Variants in UBE2D2 observed in about 807,000 individuals in gnomAD.
UBE2D2 encodes ubiquitin conjugating enzyme E2 D2, also known as ubiquitin-conjugating enzyme E2 D2.
Under a neutral mutation model 24.2 loss-of-function variants are expected in UBE2D2, and 2 were observed. That is an observed-to-expected ratio of 0.08 (90% CI 0.03 to 0.26). The LOEUF (loss-of-function observed/expected upper bound fraction) is 0.26, where lower values mean the gene tolerates loss of function less well. Ranked by LOEUF, UBE2D2 falls within the 10% of genes least tolerant of loss-of-function variation. UBE2D2 has a pLI of 1.00. For missense variants in UBE2D2, 44 were observed against 177.6 expected, an observed-to-expected ratio of 0.25 and a Z score of 4.28; for synonymous variants, 58 against 56.5, an observed-to-expected ratio of 1.03 and a Z score of -0.12.
At chr5:139,533,107 C>CA (rs113333733) in intron 1 of UBE2D2, among the ~76,000 whole-genome samples, 1,507 of 122,298 alleles carry the variant, frequency 0.012, 17 homozygotes, top group African/African-American at 0.034. Context: ...GACTCCATCT[C>CA]AAAAAAAAAA....
intron 1 of UBE2D2, among the ~76,000 whole-genome samples, chr5:139,593,156 C>T (rs965535456): frequency 6.6e-6 from 1 of 151,776 alleles, no homozygotes; most frequent in East Asian, 1.9e-4. Context: ...CCACCACGCC[C>T]AGCTAACTTT....
At chr5:139,610,008 T>A (rs955797503) in intron 2 of UBE2D2, among the ~76,000 whole-genome samples, 1 of 151,970 alleles carries the variant, frequency 6.6e-6, no homozygotes, top group Non-Finnish European at 1.5e-5. Context: ...CCTGGCCTCA[T>A]GATTCATCTG....
At chr5:139,526,687 A>G (rs887948505) in intron 1 of UBE2D2, 1 of 152,190 alleles carries the variant, frequency 6.6e-6, no homozygotes, top group Non-Finnish European at 1.5e-5. Flanking sequence ...GTGTGCCTGC[A>G]TTGGCACTTT....
At chr5:139,546,814 CT>C (rs1752834626) in intron 1 of UBE2D2, among the ~76,000 whole-genome samples, 2 of 111,040 alleles carry the variant, frequency 1.8e-5, no homozygotes, top group African/African-American at 3.4e-5. Flanking sequence ...TTTCTTCTTT[CT>C]TTCTTCCTTC....
At chr5:139,579,178 G>A (rs922402354) in intron 1 of UBE2D2, among the ~76,000 whole-genome samples, 18 of 151,288 alleles carry the variant, frequency 1.2e-4, no homozygotes, top group Admixed American at 3.3e-4. Flanking sequence ...ATGGAGTTAC[G>A]CTTTTGTTGC....
At chr5:139,552,491 G>GTTTCTTT (rs1267905325) in intron 1 of UBE2D2, among the ~76,000 whole-genome samples, 3 of 146,466 alleles carry the variant, frequency 2.0e-5, no homozygotes, top group East Asian at 4.0e-4. Context: ...TTCTTTTTTT[G>GTTTCTTT]TTTCTTTTTT....
chr5:139,611,900 C>A (rs1754327061), intron 2 of UBE2D2: 1 of 152,108 alleles, frequency 6.6e-6, no homozygotes, highest in Non-Finnish European at 1.5e-5. Context: ...TACCTTTTGA[C>A]CCCGTGGGGG....
At chr5:139,581,977 GT>G (rs376972603) in intron 1 of UBE2D2, among the ~76,000 whole-genome samples, 3 of 150,104 alleles carry the variant, frequency 2.0e-5, no homozygotes, top group African/African-American at 7.3e-5. Context: ...TTTTTTTGGG[GT>G]TTTTTTTTGT....
intron 1 of UBE2D2, among the ~76,000 whole-genome samples, chr5:139,528,843 C>T (rs1439820165): frequency 2.0e-5 from 3 of 152,098 alleles, no homozygotes; most frequent in African/African-American, 4.8e-5. Flanking sequence ...ACTGAGACCA[C>T]GCTTAAACAT....
intron 2 of UBE2D2, among the ~76,000 whole-genome samples, chr5:139,600,919 C>T (rs1754059047): frequency 6.6e-6 from 1 of 152,160 alleles, no homozygotes; most frequent in African/African-American, 2.4e-5. Flanking sequence ...TCTCGTGCCT[C>T]AGCCTCTCGA....
At chr5:139,587,013 A>G (rs1258011225) in intron 1 of UBE2D2, among the ~76,000 whole-genome samples, 1 of 152,040 alleles carries the variant, frequency 6.6e-6, no homozygotes, top group African/African-American at 2.4e-5. Context: ...AGCTCTCAAG[A>G]TGGTGGTGGG....
At chr5:139,547,364 A>T (rs2126636068) in intron 1 of UBE2D2, among the ~76,000 whole-genome samples, 1 of 152,262 alleles carries the variant, frequency 6.6e-6, no homozygotes, top group African/African-American at 2.4e-5. Context: ...GGTAATTTGT[A>T]AAGACAAGAA....
intron 1 of UBE2D2, among the ~76,000 whole-genome samples, chr5:139,578,105 C>T (rs1285332369): frequency 6.6e-6 from 1 of 152,126 alleles, no homozygotes; most frequent in African/African-American, 2.4e-5. Flanking sequence ...CTATGTGCCA[C>T]CCTTGTTGTG....
At chr5:139,605,614 A>G (rs1407597530) in intron 2 of UBE2D2, among the ~76,000 whole-genome samples, 1 of 141,018 alleles carries the variant, frequency 7.1e-6, no homozygotes, top group Non-Finnish European at 1.5e-5. Context: ...AAAAAAAAAA[A>G]GAAAAGAAAG....
At chr5:139,604,080 G>A (rs1754141117) in intron 2 of UBE2D2, among the ~76,000 whole-genome samples, 1 of 151,298 alleles carries the variant, frequency 6.6e-6, no homozygotes, top group African/African-American at 2.4e-5. Context: ...ATATAGAATG[G>A]AAGAAATTGT....
chr5:139,603,888 G>A (rs903778305), intron 2 of UBE2D2, among the ~76,000 whole-genome samples: 1 of 151,966 alleles, frequency 6.6e-6, no homozygotes, highest in Non-Finnish European at 1.5e-5. Flanking sequence ...GGCAGAGGCT[G>A]CAGTGAGCCG....
intron 1 of UBE2D2, among the ~76,000 whole-genome samples, chr5:139,564,492 C>T (rs1437003020): frequency 6.6e-6 from 1 of 151,606 alleles, no homozygotes; most frequent in Non-Finnish European, 1.5e-5. Flanking sequence ...CTCCCTCTGT[C>T]GCCCAGGCTG....
chr5:139,578,822 A>G (rs1025212246), intron 1 of UBE2D2, among the ~76,000 whole-genome samples: 2 of 152,122 alleles, frequency 1.3e-5, no homozygotes, highest in African/African-American at 4.8e-5. Context: ...CTTTCCATGT[A>G]CCTTATTTCG....
chr5:139,582,661 T>C (rs2126666935), intron 1 of UBE2D2, among the ~76,000 whole-genome samples: 1 of 147,942 alleles, frequency 6.8e-6, no homozygotes, highest in African/African-American at 2.6e-5. Flanking sequence ...GCGATTTAGA[T>C]TCGAATTTTT....
Sources: allele counts gnomAD v4.1 joint callset (sites outside exome capture counted in the v4.1 genomes callset), GRCh38; gene constraint gnomAD v4.1.1; transcripts MANE v1.5; gene names NCBI Gene and HGNC (gene_info 2026-07-23, HGNC 2026-07-21).